Variants in MYO3A observed in about 807,000 individuals in gnomAD.
MYO3A encodes the protein myosin-IIIa.
In MYO3A, 180 loss-of-function variants were observed where a neutral mutation model predicts 192.7. The ratio of observed to expected loss-of-function variants is 0.93; its 90% CI spans 0.83 to 1.06. The LOEUF is 1.06. Among genes scored for constraint, MYO3A ranks in the 50% least tolerant of loss-of-function variants. The probability of loss-of-function intolerance (pLI) is 0.00; values close to 1 mark genes in which losing one functional copy is unlikely to be tolerated. For missense variants in MYO3A, 1,896 were observed against 1,905.0 expected (o/e 1.00, Z 0.09); for synonymous variants, 628 against 645.3 (o/e 0.97, Z 0.41).
rs539504337 is a variant in MYO3A, at chr10:26,025,815, G to A, written c.798-562G>A. On this transcript the variant is annotated intron_variant, in intron 9 of 34. Coordinates refer to ENST00000642920, the MANE Select transcript of MYO3A (RefSeq NM_017433.5). ...TTGAACCTATCAAGAGGTACAACAG[G>A]CATTAGTACATCTGCTGTATGACCT... Among the ~76,000 whole-genome samples, 15 of 152,284 alleles carry A rather than the reference G, an allele frequency of 9.9e-5. No individual in the cohort carries two copies. The South Asian group carries it at 2.1e-3, about 21-fold the overall frequency.
intron 10 of MYO3A, 89 bp from the exon 11 acceptor site, chr10:26,066,886 A>G (rs1834879598): frequency 1.2e-6 from 1 of 814,392 alleles, no homozygotes; most frequent in African/African-American, 1.7e-5. Context: ...ACAGATTCCT[A>G]GAGGATTTTC....
chr10:25,989,173 T>TAGCCTTAA (rs1232265849), intron 4 of MYO3A, among the ~76,000 whole-genome samples: 1 of 151,814 alleles, frequency 6.6e-6, no homozygotes, highest in East Asian at 1.9e-4. Context: ...CTCTAACTCC[T>TAGCCTTAA]AGCCTTAAGT....
At chr10:26,093,184 G>T (rs972662103) in intron 15 of MYO3A, among the ~76,000 whole-genome samples, 4 of 152,118 alleles carry the variant, frequency 2.6e-5, no homozygotes, top group East Asian at 1.9e-4. Context: ...AGTGTACATT[G>T]TGAACAATGT....
intron 14 of MYO3A, among the ~76,000 whole-genome samples, chr10:26,081,145 C>G (rs1448740282): frequency 2.2e-5 from 2 of 91,496 alleles, no homozygotes; most frequent in South Asian, 7.0e-4. Context: ...CCCCCCCCCC[C>G]GCCCCCGCTA....
At chr10:26,157,142 A>G (rs1255641841) in intron 25 of MYO3A, among the ~76,000 whole-genome samples, 168 bp from the exon 26 acceptor site, 5 of 152,234 alleles carry the variant, frequency 3.3e-5, no homozygotes, top group African/African-American at 1.2e-4. Context: ...GAACTATACT[A>G]TAAATAAAAT....
chr10:26,039,307 G>A (rs1184746624), intron 10 of MYO3A, among the ~76,000 whole-genome samples: 2 of 146,636 alleles, frequency 1.4e-5, no homozygotes, highest in Non-Finnish European at 3.0e-5. Context: ...TCATCCGCCT[G>A]TCTCGGCCTC....
intron 2 of MYO3A, among the ~76,000 whole-genome samples, chr10:25,942,121 C>A (rs1053563275): frequency 6.6e-6 from 1 of 151,876 alleles, no homozygotes; most frequent in Non-Finnish European, 1.5e-5. Flanking sequence ...TCTGCCTCAG[C>A]CTCCCAAGTA....
intron 15 of MYO3A, among the ~76,000 whole-genome samples, chr10:26,093,167 T>C (rs1208726216): frequency 6.6e-6 from 1 of 152,208 alleles, no homozygotes; most frequent in Non-Finnish European, 1.5e-5. Flanking sequence ...TGATACAATG[T>C]ACAATTAGTG....
intron 31 of MYO3A, among the ~76,000 whole-genome samples, chr10:26,190,558 A>C (rs970678460): frequency 6.6e-6 from 1 of 152,202 alleles, no homozygotes; most frequent in African/African-American, 2.4e-5. Context: ...CCAGGAGGCA[A>C]GGGGAAGATC....
Position 25,996,569 on chromosome 10 carries a change from C to T in MYO3A, c.383C>T (p.Ala128Val), listed in dbSNP as rs1200247510. 4 of 1,613,436 alleles carry T rather than the reference C, an allele frequency of 2.5e-6. No individual in the cohort carries two copies. The Admixed American group carries it at 6.7e-5, about 27-fold the overall frequency. Residue 128 changes from alanine (A) to valine (V), a missense_variant, in exon 5 of 35, where the codon GCC (alanine) becomes GTC (valine). Coordinates refer to ENST00000642920, the MANE Select transcript of MYO3A (RefSeq NM_017433.5). ...GAAAGAATGAGTGAGCCTCTAATTGCCTATATTTTACATGAAGCACTAATG... is the reference window on the plus strand; with the variant it reads ...GAAAGAATGAGTGAGCCTCTAATTGTCTATATTTTACATGAAGCACTAATG... ...RGERMSEPLI[A>V]YILHEALMGL...
intron 4 of MYO3A, among the ~76,000 whole-genome samples, chr10:25,955,273 A>C (rs1033041707): frequency 6.6e-6 from 1 of 152,180 alleles, no homozygotes; most frequent in African/African-American, 2.4e-5. Flanking sequence ...CCCACAGAAA[A>C]ATTAAAAGGG....
At chr10:25,971,198 T>C (rs1233508559) in intron 4 of MYO3A, among the ~76,000 whole-genome samples, 1 of 152,148 alleles carries the variant, frequency 6.6e-6, no homozygotes, top group East Asian at 1.9e-4. Flanking sequence ...GTTCTTTTAG[T>C]TTGTTCCTGT....
chr10:25,990,105 G>A (rs1212603361), intron 4 of MYO3A, among the ~76,000 whole-genome samples: 2 of 152,062 alleles, frequency 1.3e-5, no homozygotes, highest in Non-Finnish European at 2.9e-5. Flanking sequence ...AAAGTTTTCT[G>A]TGATATTTAA....
At chr10:26,037,800 A>G (rs1035994390) in intron 10 of MYO3A, among the ~76,000 whole-genome samples, 3 of 149,188 alleles carry the variant, frequency 2.0e-5, no homozygotes, top group Non-Finnish European at 3.0e-5. Context: ...ACATCTTCAC[A>G]TGGCGTCAGG....
chr10:26,170,656 C>G, intron 29 of MYO3A, 117 bp downstream of exon 29: 14 of 1,100,928 alleles, frequency 1.3e-5, no homozygotes, highest in Non-Finnish European at 1.7e-5. Context: ...ACTGACACAT[C>G]AAATGTCAGT....
At chr10:26,012,160 G>T (rs1284469394) in intron 6 of MYO3A, among the ~76,000 whole-genome samples, 2 of 152,078 alleles carry the variant, frequency 1.3e-5, no homozygotes, top group East Asian at 3.9e-4. Context: ...ATGGGGAAAA[G>T]TTGAAAGCTT....
At chr10:26,103,409 G>A (rs1261602269) in intron 17 of MYO3A, among the ~76,000 whole-genome samples, 2 of 152,192 alleles carry the variant, frequency 1.3e-5, no homozygotes, top group Non-Finnish European at 2.9e-5. Flanking sequence ...AAGCCCCAGT[G>A]AGATGAACCT....
chr10:25,992,969 CT>C (rs946681643), intron 4 of MYO3A, among the ~76,000 whole-genome samples: 67 of 152,172 alleles, frequency 4.4e-4, no homozygotes, highest in African/African-American at 1.5e-3. Flanking sequence ...CTAAAATTCT[CT>C]TTTTTTGTTG....
intron 14 of MYO3A, among the ~76,000 whole-genome samples, chr10:26,075,977 A>G (rs1281092898): frequency 6.6e-6 from 1 of 151,728 alleles, no homozygotes; most frequent in Non-Finnish European, 1.5e-5. Flanking sequence ...AGTATCTTTT[A>G]TGAATAATGA....
Sources: allele counts gnomAD v4.1 joint callset (sites outside exome capture counted in the v4.1 genomes callset), GRCh38; gene constraint gnomAD v4.1.1; transcripts MANE v1.5; gene names NCBI Gene and HGNC (gene_info 2026-07-23, HGNC 2026-07-21).